The following SEPTIN2 variants were observed in gnomAD, a reference collection of about 807,000 sequenced individuals.
SEPTIN2 encodes the protein septin 2.
A neutral mutation model predicts 46.5 loss-of-function variants in SEPTIN2; 34 were observed. The observed-to-expected ratio is 0.73, with a 90% CI of 0.56 to 0.97. The LOEUF (loss-of-function observed/expected upper bound fraction) is 0.97, where lower values mean the gene tolerates loss of function less well. SEPTIN2 is among the 50% of genes least tolerant of loss of function. SEPTIN2 has a pLI of 0.00. For synonymous variants in SEPTIN2, 175 were observed against 153.4 expected (o/e 1.14, Z -1.04); for missense variants, 347 against 448.4 (o/e 0.77, Z 2.04).
intron 4 of SEPTIN2, 74 bp from the exon 5 acceptor site, chr2:241,335,901 C>A: frequency 6.3e-7 from 1 of 1,599,782 alleles, no homozygotes; most frequent in South Asian, 1.1e-5. Context: ...ACTCTGAAGT[C>A]ACCTGTCGTA....
At chr2:241,342,379 G>A (rs181296554) in intron 7 of SEPTIN2, among the ~76,000 whole-genome samples, 1 of 151,734 alleles carries the variant, frequency 6.6e-6, no homozygotes, top group East Asian at 1.9e-4. Flanking sequence ...TGATTGTGGT[G>A]TGATTTCCAT....
rs138939660 is a variant in SEPTIN2 at position 241,338,417 on chromosome 2, C to T, written c.594+627C>T. Among the ~76,000 whole-genome samples the T allele has an allele frequency of 3.4e-3, 517 of 151,250 alleles. 2 individuals carry two copies. Among genetic ancestry groups the T allele is most frequent in the Middle Eastern group, 0.031 (9 of 294 alleles). ...AAATACAAATCCCTAACTGAACATA[C>T]CGGTACGTGCATAAAAATACAAATC... On this transcript the variant is annotated intron_variant, in intron 7 of 12. Transcript: ENST00000391971.
intron 11 of SEPTIN2, 61 bp from the exon 12 acceptor site, chr2:241,350,012 C>G (rs1435197565): frequency 1.3e-6 from 2 of 1,517,518 alleles, no homozygotes; most frequent in Non-Finnish European, 1.8e-6. Flanking sequence ...ACAGAACACC[C>G]AGAAATAATG....
intron 11 of SEPTIN2, among the ~76,000 whole-genome samples, chr2:241,349,527 A>G (rs897057983): frequency 6.6e-6 from 1 of 152,038 alleles, no homozygotes; most frequent in African/African-American, 2.4e-5. Flanking sequence ...TTAGGTTAGA[A>G]AACTTCTCAT....
intron 4 of SEPTIN2, chr2:241,335,573 A>G: frequency 1.6e-6 from 1 of 608,108 alleles, no homozygotes; most frequent in Non-Finnish European, 2.9e-6. Flanking sequence ...ACTGTCAGAA[A>G]GTTCCAGCAC....
At chr2:241,330,332 G>A (rs1294150930) in intron 3 of SEPTIN2, among the ~76,000 whole-genome samples, 1 of 152,172 alleles carries the variant, frequency 6.6e-6, no homozygotes, top group Non-Finnish European at 1.5e-5. Context: ...AGGAACGTAA[G>A]AATTATACCA....
chr2:241,338,640 AAT>A (rs2080476594), intron 7 of SEPTIN2, among the ~76,000 whole-genome samples: 2 of 130,256 alleles, frequency 1.5e-5, no homozygotes, highest in African/African-American at 5.8e-5. Context: ...AAATATATAT[AAT>A]ATATATTACA....
rs779416296 is a variant in SEPTIN2, at chr2:241,337,680, C to A, written c.484C>A (p.Pro162Thr). 3.7e-6 allele frequency: 6 copies of A among 1,612,098 alleles called. No individual in the cohort carries two copies. Among genetic ancestry groups the A allele is most frequent in the Non-Finnish European group, 5.1e-6 (6 of 1,178,938 alleles). ...TTCTAAAATTAATTTTAGACTTAAGCCCTTAGATGTGGCGTTTATGAAGGC... is the reference window on the plus strand; with the variant it reads ...TTCTAAAATTAATTTTAGACTTAAGACCTTAGATGTGGCGTTTATGAAGGC... Reference protein sequence around the residue: ...FISPFGHGLKPLDVAFMKAIH... With the variant: ...FISPFGHGLKTLDVAFMKAIH... The change falls in exon 7 of 13, where the codon CCC (proline) becomes ACC (threonine). Residue 162 changes from proline to threonine, a missense_variant. Pro to Thr is a conservative substitution (Grantham distance 38). Transcript: ENST00000391971.
chr2:241,344,928 A>G (rs1438561464), intron 9 of SEPTIN2, among the ~76,000 whole-genome samples: 1 of 152,002 alleles, frequency 6.6e-6, no homozygotes, highest in African/African-American at 2.4e-5. Flanking sequence ...CCTGGCCAAC[A>G]TGGTGAAACC....
At chr2:241,327,508 CAAAA>C (rs573510324) in intron 3 of SEPTIN2, among the ~76,000 whole-genome samples, 10 of 125,434 alleles carry the variant, frequency 8.0e-5, no homozygotes, top group Non-Finnish European at 1.0e-4. Context: ...GACAGGAAAG[CAAAA>C]AAAAAAAACA....
chr2:241,316,564 A>AG, intron 1 of SEPTIN2: 2 of 1,511,748 alleles, frequency 1.3e-6, no homozygotes, highest in Non-Finnish European at 1.8e-6. Context: ...AGGCACGGAC[A>AG]GGCAGCAGGG....
In SEPTIN2 at chr2:241,324,776, CTTAG is replaced by C. The variant is rs200537373; in HGVS notation, c.9+538_9+541del. 2.9e-3 allele frequency: 448 copies of C among 155,154 alleles called. 11 individuals are homozygous for C. Among genetic ancestry groups the C allele is most frequent in the Admixed American group, 0.021 (322 of 15,542 alleles). 9.6% of individuals were successfully genotyped at this position (155,154 alleles called of 1,614,324 possible). A position where few individuals can be genotyped will look rare whatever the true frequency, so the allele number is the denominator to read the frequency against. On this transcript the variant is annotated intron_variant, in intron 2 of 12. Transcript: ENST00000391971. ...CATCAGTAACAGTCCTTTTGGCCCC[CTTAG>C]TTCATTCCCAGCAGACCAGATAATT...
At chr2:241,327,050 CAAAAAAAAAAAAAAAAAA>C (rs59492636) in intron 3 of SEPTIN2, among the ~76,000 whole-genome samples, 1 of 66,014 alleles carries the variant, frequency 1.5e-5, no homozygotes, top group African/African-American at 7.2e-5. Context: ...AACCTTGTCT[CAAAAAAAAAAAAAAAAAA>C]AAAAAAAAAA....
intron 7 of SEPTIN2, 42 bp downstream of exon 7, chr2:241,337,832 C>G (rs768192330): frequency 7.3e-7 from 1 of 1,373,844 alleles, no homozygotes; most frequent in Non-Finnish European, 1.0e-6. Flanking sequence ...GGGTGCGACT[C>G]GGGGGCATGG....
At chr2:241,335,528 TAGA>T (rs2079804646) in intron 4 of SEPTIN2, 3 of 666,066 alleles carry the variant, frequency 4.5e-6, no homozygotes, top group Admixed American at 2.7e-5. Flanking sequence ...GCTGTGTAAC[TAGA>T]AGATTACTAG....
intron 2 of SEPTIN2, 100 bp from the exon 3 acceptor site, chr2:241,325,893 G>T: frequency 8.6e-7 from 1 of 1,166,732 alleles, no homozygotes; most frequent in Non-Finnish European, 1.2e-6. Flanking sequence ...AAAAATTTGT[G>T]AAAACTGATA....
chr2:241,333,234 G>GT (rs1451475048), intron 3 of SEPTIN2, among the ~76,000 whole-genome samples: 3 of 152,218 alleles, frequency 2.0e-5, no homozygotes, highest in African/African-American at 7.2e-5. Flanking sequence ...AAAAATGGGT[G>GT]TATCAGGAAA....
At chr2:241,337,866 C>A in intron 7 of SEPTIN2, 76 bp downstream of exon 7, 3 of 996,944 alleles carry the variant, frequency 3.0e-6, no homozygotes, top group Non-Finnish European at 1.6e-6. Flanking sequence ...AGTGTGTTCC[C>A]ACGCTCAGTC....
chr2:241,353,911 C>A lies in SEPTIN2; in HGVS notation c.*1974C>A, dbSNP rs2060950621. The A allele has an allele frequency of 6.5e-6, 1 of 152,824 alleles. No individual in the cohort carries two copies. Among genetic ancestry groups the A allele is most frequent in the African/African-American group, 2.4e-5 (1 of 41,442 alleles). 9.5% of individuals were successfully genotyped at this position (152,824 alleles called of 1,614,324 possible). ...TTGATAATAGATAACTGCTCTTTTA[C>A]TAAGACATAGTCTCTACCTATAGAA... On this transcript the variant is annotated 3_prime_UTR_variant, in exon 13 of 13. Transcript: ENST00000391971.
Sources: gnomAD v4.1 joint callset for allele counts (sites outside exome capture counted in the v4.1 genomes callset) on GRCh38, gnomAD v4.1.1 for gene constraint, MANE v1.5 for transcripts, NCBI Gene and HGNC (gene_info 2026-07-23, HGNC 2026-07-21) for gene names.